Variants in MMP26 observed in about 807,000 individuals in gnomAD.
MMP26 encodes the protein matrix metalloproteinase-26.
MMP26 carries 33 observed loss-of-function variants against 31.0 expected under a neutral mutation model. The observed-to-expected ratio is 1.06, with a 90% CI of 0.81 to 1.42. The LOEUF (loss-of-function observed/expected upper bound fraction) is 1.42. Among genes scored for constraint, MMP26 ranks in the 40% most tolerant of loss-of-function variants. The pLI, the probability that MMP26 is intolerant of heterozygous loss-of-function variation, is 0.00. For missense variants in MMP26, 347 were observed against 316.1 expected (o/e 1.10, Z -0.74); for synonymous variants, 122 against 114.9 (o/e 1.06, Z -0.40).
intron 2 of MMP26, among the ~76,000 whole-genome samples, chr11:4,888,084 T>C (rs531043636): frequency 6.6e-6 from 1 of 152,256 alleles, no homozygotes; most frequent in South Asian, 2.1e-4. Context: ...TTCAAAATGG[T>C]TCTCTGAAAC....
At chr11:4,730,721 A>G (rs1848162952) in intron 1 of MMP26, among the ~76,000 whole-genome samples, 1 of 152,092 alleles carries the variant, frequency 6.6e-6, no homozygotes, top group African/African-American at 2.4e-5. Flanking sequence ...GGTCCACCAT[A>G]CTGATGAGAT....
intron 2 of MMP26, among the ~76,000 whole-genome samples, chr11:4,930,429 C>T (rs989531327): frequency 1.3e-5 from 2 of 152,004 alleles, no homozygotes; most frequent in Non-Finnish European, 2.9e-5. Context: ...CAGTGCTTAC[C>T]CCTTTCTTGC....
chr11:4,769,513 A>G, intron 2 of MMP26: 1 of 1,613,862 alleles, frequency 6.2e-7, no homozygotes, highest in African/African-American at 1.3e-5. Flanking sequence ...TGAGAATGGT[A>G]GTGTACCTCA....
intron 1 of MMP26, among the ~76,000 whole-genome samples, chr11:4,765,413 A>G (rs1376769414): frequency 6.6e-6 from 1 of 152,160 alleles, no homozygotes; most frequent in East Asian, 1.9e-4. Flanking sequence ...TCAAAGACTG[A>G]CAGGTCCTGC....
At chr11:4,842,442 C>A (rs2133490891) in intron 2 of MMP26, among the ~76,000 whole-genome samples, 1 of 152,276 alleles carries the variant, frequency 6.6e-6, no homozygotes, top group South Asian at 2.1e-4. Context: ...CCTCAAGAAA[C>A]TTACAATCAT....
rs1246732240 is a variant in MMP26, at chr11:4,947,505, C to G, written c.-144-40563C>G. The G allele has an allele frequency of 4.3e-5, 6 of 141,004 alleles. 1 individual carries two copies. The highest frequency in any genetic ancestry group is 8.0e-5 in the Admixed American group (1 of 12,558). 8.7% of individuals were successfully genotyped at this position (141,004 alleles called of 1,614,324 possible). The stretch of plus-strand genomic sequence containing the variant: ...GTGATTAATTGCCAGTAATAATAGT[C>G]AAATGAAAGCTAAATAAATGAGAAT... On this transcript the variant is annotated intron_variant, in intron 2 of 7. Coordinates refer to ENST00000380390, the MANE Select transcript of MMP26 (RefSeq NM_021801.5).
rs1222332082 is a variant in MMP26 at position 4,987,963 on chromosome 11, C to T, written c.-144-105C>T. On this transcript the variant is annotated intron_variant, in intron 2 of 7. Coordinates refer to ENST00000380390, the MANE Select transcript of MMP26 (RefSeq NM_021801.5). ...CTGACCTGTATTTCCTTAACCAGGC[C>T]TGTGGCCCGGGATGCTGAGGACCAT... The T allele has an allele frequency of 1.1e-5, 6 of 530,420 alleles. 1 individual carries two copies. Among genetic ancestry groups the T allele is most frequent in the African/African-American group, 3.8e-5 (2 of 52,522 alleles). 32.9% of individuals were successfully genotyped at this position (530,420 alleles called of 1,614,324 possible). A position where few individuals can be genotyped will look rare whatever the true frequency, so the allele number is the denominator to read the frequency against.
At chr11:4,803,563 CG>C in intron 2 of MMP26, 1 of 1,613,878 alleles carries the variant, frequency 6.2e-7, no homozygotes. Context: ...GTGTACAACT[CG>C]GGGCACATCA....
At chr11:4,869,860 C>A (rs1291059873) in intron 2 of MMP26, among the ~76,000 whole-genome samples, 1 of 152,028 alleles carries the variant, frequency 6.6e-6, no homozygotes, top group Non-Finnish European at 1.5e-5. Context: ...AAATGTGGCA[C>A]ATATATATAC....
At chr11:4,756,239 C>T (rs1341756927) in intron 1 of MMP26, among the ~76,000 whole-genome samples, 1 of 151,950 alleles carries the variant, frequency 6.6e-6, no homozygotes, top group African/African-American at 2.4e-5. Context: ...GAAAAATTCT[C>T]TCATAATGCA....
At chr11:4,816,536 C>A (rs955485004) in intron 2 of MMP26, among the ~76,000 whole-genome samples, 1 of 151,404 alleles carries the variant, frequency 6.6e-6, no homozygotes, top group Non-Finnish European at 1.5e-5. Flanking sequence ...TTTTCTTTAT[C>A]CTGCTATCAG....
intron 2 of MMP26, among the ~76,000 whole-genome samples, chr11:4,874,494 G>C (rs548587066): frequency 6.6e-6 from 1 of 151,712 alleles, no homozygotes; most frequent in Admixed American, 6.6e-5. Flanking sequence ...TCCATAGATG[G>C]TTTTCAAAAA....
At chr11:4,819,539 G>T (rs1207414098) in intron 2 of MMP26, among the ~76,000 whole-genome samples, 1 of 141,248 alleles carries the variant, frequency 7.1e-6, no homozygotes, top group Non-Finnish European at 1.5e-5. Context: ...TTGAAAGAAT[G>T]AGATGGTCAC....
chr11:4,976,107 T>C (rs1846733073), intron 2 of MMP26, among the ~76,000 whole-genome samples: 1 of 152,072 alleles, frequency 6.6e-6, no homozygotes, highest in Non-Finnish European at 1.5e-5. Context: ...CTAGAGGAAC[T>C]AGAACATTGC....
chr11:4,882,481 T>C (rs779163734), intron 2 of MMP26: 2 of 1,613,956 alleles, frequency 1.2e-6, no homozygotes, highest in Non-Finnish European at 1.7e-6. Context: ...ATTCCAAACC[T>C]TGGATCAGCA....
At position 4,767,257 on chromosome 11, in the gene MMP26, C is replaced by A. The variant is rs566970395; in HGVS notation, c.-216-13C>A. 3.9e-5 allele frequency: 6 copies of A among 152,078 alleles called. No homozygotes were observed. Among genetic ancestry groups the A allele is most frequent in the Non-Finnish European group, 8.8e-5 (6 of 68,000 alleles). The allele number at this position is 152,078 out of a possible 1,614,324, so 9.4% of individuals were successfully genotyped here. ...TAAAATTGTCATATAATATTTCTTC[C>A]ATTTTTCCACAGAGTTTCTTACAAA... On this transcript the variant is annotated splice_polypyrimidine_tract_variant and intron_variant, in intron 1 of 7. Coordinates refer to ENST00000380390, the MANE Select transcript of MMP26 (RefSeq NM_021801.5).
At chr11:4,848,429 G>A (rs866618850) in intron 2 of MMP26, 4 of 1,613,890 alleles carry the variant, frequency 2.5e-6, no homozygotes, top group Non-Finnish European at 3.4e-6. Flanking sequence ...GGATCATAGG[G>A]ATATAGAAGA....
Position 4,933,125 on chromosome 11 carries a change from T to G in MMP26, c.-144-54943T>G, listed in dbSNP as rs1851374782. The stretch of plus-strand genomic sequence containing the variant: ...ATCGTAGGAAAATATTTAAAAGTAT[T>G]GGGAGAATAATAAAATTTGGAGTAA... On this transcript the variant is annotated intron_variant, in intron 2 of 7. Coordinates refer to ENST00000380390, the MANE Select transcript of MMP26 (RefSeq NM_021801.5). Among the ~76,000 whole-genome samples the G allele has an allele frequency of 2.6e-5, 4 of 152,052 alleles. No individual in the cohort carries two copies. The South Asian group carries it at 8.3e-4, about 32-fold the overall frequency.
intron 2 of MMP26, chr11:4,821,332 G>A (rs1849494152): frequency 7.2e-7 from 1 of 1,381,172 alleles, no homozygotes; most frequent in South Asian, 1.3e-5. Flanking sequence ...AGTGAATCTT[G>A]AAGTGCCAGA....
Sources: gnomAD v4.1 joint callset for allele counts (sites outside exome capture counted in the v4.1 genomes callset) on GRCh38, gnomAD v4.1.1 for gene constraint, MANE v1.5 for transcripts, NCBI Gene and HGNC (gene_info 2026-07-23, HGNC 2026-07-21) for gene names.